Variants in PLXNA4 observed in about 807,000 individuals in gnomAD.
The protein encoded by PLXNA4 is plexin A4.
Under a neutral mutation model 191.8 loss-of-function variants are expected in PLXNA4, and 44 were observed. The ratio of observed to expected loss-of-function variants is 0.23; its 90% confidence interval spans 0.18 to 0.29. The LOEUF (loss-of-function observed/expected upper bound fraction) is 0.29. PLXNA4 is among the 10% of genes least tolerant of loss of function. The pLI is 1.00. For missense variants in PLXNA4, 1,800 were observed against 2,488.8 expected, an observed-to-expected ratio of 0.72 and a Z score of 5.89; for synonymous variants, 1,082 against 1,009.5, an observed-to-expected ratio of 1.07 and a Z score of -1.36.
In PLXNA4 at chr7:132,210,973, G is replaced by T; in HGVS notation, c.2268C>A (p.Asn756Lys). The T allele has an allele frequency of 1.2e-6, 2 of 1,613,146 alleles. No individual in the cohort carries two copies. Among genetic ancestry groups the T allele is most frequent in the Non-Finnish European group, 1.7e-6 (2 of 1,179,966 alleles). ...SEQRVPALRF[N>K]SSSVQCQNTS... ...TGTTCTGGCACTGTACGCTGGAGCT[G>T]TTGAAGCGCAGGGCGGGCACTCGCT... The change falls in exon 10 of 32, where the codon AAC (asparagine) becomes AAA (lysine). Residue 756 changes from asparagine (N) to lysine (K), a missense_variant. Coordinates refer to ENST00000321063, the MANE Select transcript of PLXNA4 (RefSeq NM_020911.2).
chr7:132,647,012 TACACCAACATACACACATACAC>T (rs1803883744), intron 1 of PLXNA4, among the ~76,000 whole-genome samples: 1 of 144,992 alleles, frequency 6.9e-6, no homozygotes, highest in African/African-American at 2.6e-5. Context: ...CACTCACACA[TACACCAACATACACACATACAC>T]GCAGTCACAC....
At chr7:132,366,796 C>G (rs1423606677) in intron 3 of PLXNA4, among the ~76,000 whole-genome samples, 1 of 152,194 alleles carries the variant, frequency 6.6e-6, no homozygotes, top group Non-Finnish European at 1.5e-5. Flanking sequence ...GTGCCTTGCT[C>G]TGTTGTCCAG....
At chr7:132,614,736 C>T (rs987069819) in intron 2 of PLXNA4, among the ~76,000 whole-genome samples, 2 of 152,192 alleles carry the variant, frequency 1.3e-5, no homozygotes, top group African/African-American at 4.8e-5. Context: ...AAATTTGGTA[C>T]TAGTTCAGTT....
chr7:132,611,248 C>T (rs1222482359), intron 2 of PLXNA4, among the ~76,000 whole-genome samples: 1 of 152,240 alleles, frequency 6.6e-6, no homozygotes, highest in Non-Finnish European at 1.5e-5. Flanking sequence ...CCTTAAGAAA[C>T]ATCTGCTCCC....
intron 3 of PLXNA4, among the ~76,000 whole-genome samples, chr7:132,303,955 G>A (rs1801412672): frequency 6.6e-6 from 1 of 152,200 alleles, no homozygotes; most frequent in Non-Finnish European, 1.5e-5. Flanking sequence ...AGGCTAGTGG[G>A]CAGGGAGCAT....
At chr7:132,454,251 G>A (rs1796232553) in intron 3 of PLXNA4, among the ~76,000 whole-genome samples, 1 of 152,120 alleles carries the variant, frequency 6.6e-6, no homozygotes, top group Non-Finnish European at 1.5e-5. Context: ...TGTTCAGAGG[G>A]GTGAAGCCAT....
intron 2 of PLXNA4, among the ~76,000 whole-genome samples, chr7:132,633,560 C>T (rs564358922): frequency 3.7e-4 from 56 of 152,268 alleles, no homozygotes; most frequent in Non-Finnish European, 6.0e-4. Context: ...GGATTACAGG[C>T]GTAAGCCACC....
rs761829341 is a variant in PLXNA4, at chr7:132,211,120, C to T, written c.2121G>A (p.Val707=). 1 of 1,564,898 alleles carries T rather than the reference C, an allele frequency of 6.4e-7. No homozygotes were observed. The highest frequency in any genetic ancestry group is 1.2e-5 in the South Asian group (1 of 85,276). Residue 707 remains valine, a synonymous_variant, in exon 10 of 32, where the codon GTG becomes GTA. Coordinates refer to ENST00000321063, the MANE Select transcript of PLXNA4 (RefSeq NM_020911.2). ...LPEDCPQLLR[V]DKILVPVEVI... is the part of the protein sequence containing the mutation. Reference sequence around the variant, plus strand: ...CCTCCACGGGCACCAGGATCTTGTCCACTCGCAGCAGCTGGGGGCAGTCCT... The same window carrying T: ...CCTCCACGGGCACCAGGATCTTGTCTACTCGCAGCAGCTGGGGGCAGTCCT...
At chr7:132,601,188 AG>A (rs1341020669) in intron 2 of PLXNA4, among the ~76,000 whole-genome samples, 1 of 152,174 alleles carries the variant, frequency 6.6e-6, no homozygotes, top group East Asian at 1.9e-4. Flanking sequence ...GTAAATATTG[AG>A]GGAATTTTTC....
intron 3 of PLXNA4, among the ~76,000 whole-genome samples, chr7:132,479,642 T>G (rs1257552873): frequency 3.3e-5 from 5 of 152,296 alleles, no homozygotes; most frequent in South Asian, 2.1e-4. Context: ...GTAGATTCTT[T>G]GCATTCTTTT....
At chr7:132,243,271 T>C (rs1458577324) in intron 4 of PLXNA4, among the ~76,000 whole-genome samples, 1 of 152,218 alleles carries the variant, frequency 6.6e-6, no homozygotes, top group African/African-American at 2.4e-5. Context: ...TCCAGCTGCT[T>C]GTCTAGCACT....
rs571338323 is a variant in PLXNA4 at position 132,322,584 on chromosome 7, TAA to T, written c.1372-24364_1372-24363del. ...CCACACAGCAAGAAGGTAGCATGGC[TAA>T]ACATCCTGGTGCAATTTCAACCTCT... On this transcript the variant is annotated intron_variant, in intron 3 of 31. Coordinates refer to ENST00000321063, the MANE Select transcript of PLXNA4 (RefSeq NM_020911.2). 1.2e-4 allele frequency among the ~76,000 whole-genome samples: 18 copies of T among 152,324 alleles called. No homozygotes were observed. In the South Asian group the frequency reaches 3.1e-3, roughly 26 times the overall value.
intron 3 of PLXNA4, among the ~76,000 whole-genome samples, chr7:132,425,493 CCCCTCCTGGCT>C (rs1795008198): frequency 6.6e-6 from 1 of 152,184 alleles, no homozygotes; most frequent in East Asian, 1.9e-4. Context: ...GAACCCCAGG[CCCCTCCTGGCT>C]CCTCCTCCCC....
Position 132,400,041 on chromosome 7 carries a change from C to T in PLXNA4, c.1371+89251G>A, listed in dbSNP as rs114477972. 6.2e-3 allele frequency among the ~76,000 whole-genome samples: 945 copies of T among 152,186 alleles called. 7 individuals are homozygous for T. Among genetic ancestry groups the T allele is most frequent in the African/African-American group, 0.021 (879 of 41,518 alleles). Reference sequence around the variant, plus strand: ...GTAAGTTGGAATAAATCAAAATAATCAACTTCCTCCCTTACCCCACGCCAG... The same window carrying T: ...GTAAGTTGGAATAAATCAAAATAATTAACTTCCTCCCTTACCCCACGCCAG... On this transcript the variant is annotated intron_variant, in intron 3 of 31. Transcript: ENST00000321063.
At chr7:132,535,833 A>T (rs1033951614) in intron 1 of PLXNA4, among the ~76,000 whole-genome samples, 1 of 152,188 alleles carries the variant, frequency 6.6e-6, no homozygotes, top group East Asian at 1.9e-4. Context: ...CAGGCCAGGC[A>T]CGTGGCTGAA....
intron 11 of PLXNA4, among the ~76,000 whole-genome samples, chr7:132,203,059 C>A (rs536298735): frequency 6.6e-6 from 1 of 152,302 alleles, no homozygotes; most frequent in Admixed American, 6.5e-5. Flanking sequence ...TCACTCAGCA[C>A]TCAGCAGCCC....
At chr7:132,183,225 T>C (rs6950909) in intron 16 of PLXNA4, among the ~76,000 whole-genome samples, 51,488 of 152,058 alleles carry the variant, frequency 0.34, 8,922 homozygotes, top group Middle Eastern at 0.45. Context: ...CGCATGTGCG[T>C]GCACACACAG....
At chr7:132,521,178 G>GAAAA (rs1456624869) in intron 1 of PLXNA4, among the ~76,000 whole-genome samples, 1 of 132,880 alleles carries the variant, frequency 7.5e-6, no homozygotes, top group African/African-American at 2.8e-5. Context: ...TTTGCTCCTT[G>GAAAA]AAAAAAAAAA....
chr7:132,619,945 C>T (rs746758714), intron 2 of PLXNA4, among the ~76,000 whole-genome samples: 36 of 152,288 alleles, frequency 2.4e-4, no homozygotes, highest in Non-Finnish European at 4.1e-4. Context: ...GGACTACAGG[C>T]GCCCACCACC....
Sources: gnomAD v4.1 joint callset for allele counts (sites outside exome capture counted in the v4.1 genomes callset) on GRCh38, gnomAD v4.1.1 for gene constraint, MANE v1.5 for transcripts, NCBI Gene and HGNC (gene_info 2026-07-23, HGNC 2026-07-21) for gene names.